Variants in SNX14 observed in about 807,000 individuals in gnomAD.
SNX14 encodes sorting nexin-14.
A neutral mutation model predicts 133.8 loss-of-function variants in SNX14; 93 were observed. The ratio of observed to expected loss-of-function variants is 0.70; its 90% CI spans 0.59 to 0.83. The LOEUF (loss-of-function observed/expected upper bound fraction) is 0.83. Among genes scored for constraint, SNX14 ranks in the 40% least tolerant of loss-of-function variants. The pLI, the probability that SNX14 is intolerant of heterozygous loss-of-function variation, is 0.00. For synonymous variants in SNX14, 368 were observed against 365.6 expected (o/e 1.01, Z -0.07); for missense variants, 945 against 1,094.9 (o/e 0.86, Z 1.93).
intron 5 of SNX14, 88 bp downstream of exon 5, chr6:85,567,445 TG>T: frequency 1.0e-6 from 1 of 963,164 alleles, no homozygotes. Context: ...TGAGAAATCC[TG>T]GTCTACATGA....
intron 5 of SNX14, among the ~76,000 whole-genome samples, chr6:85,566,628 G>A (rs551202766): frequency 6.6e-6 from 1 of 151,942 alleles, no homozygotes; most frequent in South Asian, 2.1e-4. Context: ...AACCTGGGAG[G>A]TGGAGGTTGC....
chr6:85,549,277 T>C (rs1582841747), intron 8 of SNX14, among the ~76,000 whole-genome samples: 1 of 152,046 alleles, frequency 6.6e-6, no homozygotes, highest in Non-Finnish European at 1.5e-5. Flanking sequence ...AATCTAAACA[T>C]GCTCCAGCCA....
intron 4 of SNX14, among the ~76,000 whole-genome samples, chr6:85,571,264 G>A (rs563194420): frequency 2.4e-4 from 37 of 151,696 alleles, no homozygotes; most frequent in African/African-American, 7.3e-4. Flanking sequence ...GGAGGCTGAC[G>A]CAGGAGAATC....
chr6:85,584,885 A>C (rs549463143), intron 1 of SNX14, among the ~76,000 whole-genome samples: 15 of 152,330 alleles, frequency 9.8e-5, no homozygotes, highest in African/African-American at 3.4e-4. Context: ...TTGACCCAGC[A>C]ATCCCATTAC....
intron 1 of SNX14, among the ~76,000 whole-genome samples, chr6:85,577,942 G>C (rs1797826948): frequency 6.6e-6 from 1 of 152,188 alleles, no homozygotes. Context: ...ATGGCAAAAG[G>C]CTACAACGGA....
intron 6 of SNX14, among the ~76,000 whole-genome samples, chr6:85,559,334 T>A (rs138081825): frequency 1.3e-4 from 20 of 152,344 alleles, no homozygotes; most frequent in African/African-American, 4.3e-4. Flanking sequence ...ATAAACAAGA[T>A]GTTATAGTTT....
chr6:85,577,738 T>C (rs1413533541), intron 1 of SNX14, among the ~76,000 whole-genome samples: 1 of 151,828 alleles, frequency 6.6e-6, no homozygotes, highest in African/African-American at 2.4e-5. Context: ...ATTAGAAGAA[T>C]TGGAAAGAAA....
chr6:85,537,420 T>C (rs1782293064), intron 16 of SNX14, among the ~76,000 whole-genome samples: 1 of 152,008 alleles, frequency 6.6e-6, no homozygotes, highest in Non-Finnish European at 1.5e-5. Context: ...AAAAGAATAG[T>C]GCCAAAGGGA....
chr6:85,568,067 A>G (rs1794464204), intron 4 of SNX14: 1 of 152,236 alleles, frequency 6.6e-6, no homozygotes, highest in South Asian at 2.1e-4. Flanking sequence ...AATGAGGATC[A>G]AAGAAAACAT....
intron 10 of SNX14, 53 bp downstream of exon 10, chr6:85,547,453 A>G (rs957144851): frequency 1.2e-6 from 2 of 1,604,324 alleles, no homozygotes; most frequent in Middle Eastern, 1.7e-4. Flanking sequence ...TTTGACATAC[A>G]AAATCAAAAT....
intron 17 of SNX14, among the ~76,000 whole-genome samples, chr6:85,534,179 T>C (rs1781124595): frequency 6.6e-6 from 1 of 152,068 alleles, no homozygotes; most frequent in Admixed American, 6.6e-5. Flanking sequence ...TGAAAGATAA[T>C]GTCAGGCTGG....
intron 1 of SNX14, among the ~76,000 whole-genome samples, chr6:85,582,638 T>G (rs145881806): frequency 2.0e-5 from 3 of 152,174 alleles, no homozygotes; most frequent in African/African-American, 7.2e-5. Context: ...TATCAGAGAA[T>G]ACTATAAACA....
chr6:85,572,720 A>C (rs921626947), intron 2 of SNX14, among the ~76,000 whole-genome samples: 2 of 152,008 alleles, frequency 1.3e-5, no homozygotes, highest in Non-Finnish European at 2.9e-5. Flanking sequence ...ACTCTGGGAG[A>C]CCGCGGTGAG....
chr6:85,538,729 G>T, intron 16 of SNX14, 109 bp downstream of exon 16: 1 of 855,314 alleles, frequency 1.2e-6, no homozygotes, highest in South Asian at 1.9e-5. Context: ...TATAATGGCA[G>T]TTAATACCAC....
intron 20 of SNX14, among the ~76,000 whole-genome samples, chr6:85,527,858 C>T (rs1778989955): frequency 6.6e-6 from 1 of 152,042 alleles, no homozygotes; most frequent in Non-Finnish European, 1.5e-5. Flanking sequence ...GGAGAGAAGA[C>T]TCCAAAGTTC....
intron 26 of SNX14, 127 bp from the exon 27 acceptor site, chr6:85,508,186 CA>C: frequency 2.1e-6 from 3 of 1,407,294 alleles, no homozygotes; most frequent in Non-Finnish European, 9.2e-7. Context: ...CAATACTCCC[CA>C]AACCAGTGTT....
At chr6:85,539,965 A>ATTTTATTTTATTTTATTTTATTTTAT in intron 15 of SNX14, among the ~76,000 whole-genome samples, 4 of 150,394 alleles carry the variant, frequency 2.7e-5, no homozygotes, top group Non-Finnish European at 5.9e-5. Context: ...ATTTTATTTT[A>ATTTTATTTTATTTTATTTTATTTTAT]TTTTATTTTA....
At chr6:85,584,633 C>G (rs1458972680) in intron 1 of SNX14, among the ~76,000 whole-genome samples, 2 of 152,046 alleles carry the variant, frequency 1.3e-5, no homozygotes, top group African/African-American at 4.8e-5. Context: ...ATGCAGCCAA[C>G]AAACATATGA....
At chr6:85,536,417 G>C (rs1781972989) in intron 17 of SNX14, among the ~76,000 whole-genome samples, 1 of 152,194 alleles carries the variant, frequency 6.6e-6, no homozygotes, top group Admixed American at 6.5e-5. Context: ...TAAGCAAGGA[G>C]TTAGAGCATC....
Sources: allele counts gnomAD v4.1 joint callset (sites outside exome capture counted in the v4.1 genomes callset), GRCh38; gene constraint gnomAD v4.1.1; transcripts MANE v1.5; gene names NCBI Gene and HGNC (gene_info 2026-07-23, HGNC 2026-07-21).